SEC22A: variants seen among roughly 807,000 people sequenced by gnomAD.
SEC22A encodes SEC22 homolog A, vesicle trafficking protein, also known as vesicle-trafficking protein SEC22a.
In SEC22A, 22 loss-of-function variants were observed where a neutral mutation model predicts 35.3. The ratio of observed to expected loss-of-function variants is 0.62; its 90% CI spans 0.45 to 0.89. The LOEUF is 0.89. Among genes scored for constraint, SEC22A ranks in the 40% least tolerant of loss-of-function variants. SEC22A has a pLI of 0.00. For synonymous variants in SEC22A, 119 were observed against 129.5 expected (o/e 0.92, Z 0.55); for missense variants, 354 against 362.5 (o/e 0.98, Z 0.19).
At chr3:123,255,131 C>T (rs1937698305) in intron 5 of SEC22A, among the ~76,000 whole-genome samples, 1 of 152,184 alleles carries the variant, frequency 6.6e-6, no homozygotes, top group Non-Finnish European at 1.5e-5. Context: ...TCCTTTTAAA[C>T]ATTTCCTTGT....
chr3:123,261,525 A>G (rs7651633), intron 6 of SEC22A, among the ~76,000 whole-genome samples: 1,718 of 152,248 alleles, frequency 0.011, 25 homozygotes, highest in African/African-American at 0.039. Flanking sequence ...TAATAAAGTT[A>G]TAATTTTATA....
rs2108116964 is a variant in SEC22A at position 123,271,843 on chromosome 3, C to CT, written c.*124dup. On this transcript the variant is annotated 3_prime_UTR_variant, in exon 7 of 7. Coordinates refer to ENST00000492595, the MANE Select transcript of SEC22A (RefSeq NM_012430.5). ...GAAGCTCTGCTTTCTTTCTCTCCAA[C>CT]TTTCCTTTTTTAAAATCAGCATGAT... is the stretch of plus-strand genomic sequence containing the variant. 1 of 835,538 alleles carries CT rather than the reference C, an allele frequency of 1.2e-6. No homozygotes were observed. The highest frequency in any genetic ancestry group is 1.8e-5 in the South Asian group (1 of 56,402). 51.8% of individuals were successfully genotyped at this position (835,538 alleles called of 1,614,324 possible). A position where few individuals can be genotyped will look rare whatever the true frequency, so the allele number is the denominator to read the frequency against.
intron 4 of SEC22A, among the ~76,000 whole-genome samples, chr3:123,230,538 A>G (rs1157333705): frequency 6.6e-6 from 1 of 152,118 alleles, no homozygotes; most frequent in Non-Finnish European, 1.5e-5. Flanking sequence ...GATAAAGGGA[A>G]TAGAGCTATA....
rs61068587 is a variant in SEC22A at position 123,257,995 on chromosome 3, G to GAAAAAAAAAAAAAAA, written c.658-1516_658-1515insAAAAAAAAAAAAAAA. Among the ~76,000 whole-genome samples the GAAAAAAAAAAAAAAA allele has an allele frequency of 4.2e-3, 472 of 111,158 alleles. 14 individuals are homozygous for GAAAAAAAAAAAAAAA. Among genetic ancestry groups the GAAAAAAAAAAAAAAA allele is most frequent in the East Asian group, 0.024 (93 of 3,826 alleles). 72.9% of individuals were successfully genotyped at this position (111,158 alleles called of 152,430 possible). On this transcript the variant is annotated intron_variant, in intron 5 of 6. Coordinates refer to ENST00000492595, the MANE Select transcript of SEC22A (RefSeq NM_012430.5). ...TGACAGAGCAAGACTCCATCTCATT[G>GAAAAAAAAAAAAAAA]AAAAAAAAAAAAAGGAAGGAAGGAA...
chr3:123,242,667 C>G (rs1937534562), intron 4 of SEC22A, among the ~76,000 whole-genome samples: 1 of 152,206 alleles, frequency 6.6e-6, no homozygotes, highest in Non-Finnish European at 1.5e-5. Flanking sequence ...ATGGGCTCTG[C>G]AGTCAGATAG....
intron 4 of SEC22A, among the ~76,000 whole-genome samples, chr3:123,228,335 C>T (rs1411522439): frequency 4.8e-5 from 7 of 145,878 alleles, no homozygotes; most frequent in Admixed American, 1.4e-4. Context: ...GAGGCCAAGG[C>T]GGGCGGATCT....
At chr3:123,270,724 A>G (rs1222623496) in intron 6 of SEC22A, among the ~76,000 whole-genome samples, 2 of 152,246 alleles carry the variant, frequency 1.3e-5, no homozygotes, top group African/African-American at 4.8e-5. Flanking sequence ...AAAATAAAGC[A>G]GTAAAGGGTG....
chr3:123,245,841 T>G, intron 4 of SEC22A, 58 bp from the exon 5 acceptor site: 1 of 933,424 alleles, frequency 1.1e-6, no homozygotes, highest in Non-Finnish European at 1.7e-6. Context: ...CTGTTTTACC[T>G]AAGTTCATCT....
intron 4 of SEC22A, among the ~76,000 whole-genome samples, chr3:123,227,930 C>T (rs1485774280): frequency 2.8e-5 from 4 of 141,878 alleles, no homozygotes; most frequent in Non-Finnish European, 4.5e-5. Flanking sequence ...GCCTGGGTGA[C>T]AAAGCGAGCT....
At chr3:123,246,958 G>C (rs1937572262) in intron 5 of SEC22A, among the ~76,000 whole-genome samples, 1 of 152,222 alleles carries the variant, frequency 6.6e-6, no homozygotes, top group Non-Finnish European at 1.5e-5. Flanking sequence ...CAGCAGCAGA[G>C]CTGTTCGTAA....
intron 4 of SEC22A, among the ~76,000 whole-genome samples, chr3:123,242,860 G>C (rs1323247008): frequency 6.6e-6 from 1 of 151,984 alleles, no homozygotes; most frequent in Non-Finnish European, 1.5e-5. Context: ...TGAGACAATG[G>C]GTGCTTAGTG....
chr3:123,239,803 C>A (rs1277657165), intron 4 of SEC22A, among the ~76,000 whole-genome samples: 3 of 152,078 alleles, frequency 2.0e-5, no homozygotes, highest in Non-Finnish European at 4.4e-5. Context: ...ATGGTAGTGT[C>A]TTTTGCTGTG....
chr3:123,213,777 A>G (rs1195900776), intron 2 of SEC22A, among the ~76,000 whole-genome samples: 2 of 152,190 alleles, frequency 1.3e-5, no homozygotes, highest in Non-Finnish European at 1.5e-5. Context: ...CAAAATCACT[A>G]AGTATATAAT....
intron 6 of SEC22A, among the ~76,000 whole-genome samples, chr3:123,261,085 T>C (rs1191729082): frequency 6.6e-6 from 1 of 151,738 alleles, no homozygotes; most frequent in African/African-American, 2.4e-5. Flanking sequence ...TCCGCCCACC[T>C]CGGCCTCCCA....
intron 4 of SEC22A, among the ~76,000 whole-genome samples, chr3:123,244,887 T>C (rs1326685479): frequency 6.6e-6 from 1 of 152,210 alleles, no homozygotes; most frequent in African/African-American, 2.4e-5. Flanking sequence ...ATGTAGACCC[T>C]GTTGTTAATT....
intron 6 of SEC22A, among the ~76,000 whole-genome samples, chr3:123,259,808 G>A (rs781440159): frequency 2.6e-5 from 4 of 152,120 alleles, no homozygotes; most frequent in Non-Finnish European, 5.9e-5. Flanking sequence ...TGAGGCTTCA[G>A]TGGTGGTATG....
intron 6 of SEC22A, among the ~76,000 whole-genome samples, chr3:123,260,298 A>G (rs1460759555): frequency 1.3e-5 from 2 of 152,138 alleles, no homozygotes; most frequent in African/African-American, 2.4e-5. Flanking sequence ...TTAGGATTCA[A>G]TTTAGCAGTA....
chr3:123,254,878 C>A (rs1485188500), intron 5 of SEC22A, among the ~76,000 whole-genome samples: 1 of 147,804 alleles, frequency 6.8e-6, no homozygotes, highest in Non-Finnish European at 1.5e-5. Flanking sequence ...TGCTATCCCT[C>A]CCCCCTCACC....
At chr3:123,269,806 G>GT (rs1262447121) in intron 6 of SEC22A, among the ~76,000 whole-genome samples, 12 of 151,684 alleles carry the variant, frequency 7.9e-5, no homozygotes, top group Admixed American at 7.9e-4. Flanking sequence ...CTAATTTTTT[G>GT]TATTTTTAGT....
Sources: allele counts gnomAD v4.1 joint callset (sites outside exome capture counted in the v4.1 genomes callset), GRCh38; gene constraint gnomAD v4.1.1; transcripts MANE v1.5; gene names NCBI Gene and HGNC (gene_info 2026-07-23, HGNC 2026-07-21).